Variants in ERC2 observed in about 807,000 individuals in gnomAD.
The protein encoded by ERC2 is ELKS/RAB6-interacting/CAST family member 2.
Under a neutral mutation model 114.8 loss-of-function variants are expected in ERC2, and 42 were observed. The ratio of observed to expected loss-of-function variants is 0.37; its 90% CI spans 0.29 to 0.47. The LOEUF is 0.47. ERC2 is among the 20% of genes least tolerant of loss of function. ERC2 has a pLI of 0.99. For missense variants in ERC2, 939 were observed against 1,150.7 expected (o/e 0.82, Z 2.66); for synonymous variants, 454 against 425.5 (o/e 1.07, Z -0.82).
chr3:56,311,569 G>C (rs1335984106), intron 2 of ERC2, among the ~76,000 whole-genome samples: 1 of 151,702 alleles, frequency 6.6e-6, no homozygotes, highest in African/African-American at 2.4e-5. Context: ...AAAGTGATGG[G>C]ATTACAGGCT....
chr3:55,926,416 A>T (rs1203672357), intron 13 of ERC2, among the ~76,000 whole-genome samples: 1 of 12,356 alleles, frequency 8.1e-5, no homozygotes, highest in African/African-American at 1.2e-3. Context: ...TTTTGTTTTT[A>T]AAAAAAAAAA....
At chr3:55,991,555 A>T (rs1417107939) in intron 11 of ERC2, among the ~76,000 whole-genome samples, 1 of 152,192 alleles carries the variant, frequency 6.6e-6, no homozygotes, top group Non-Finnish European at 1.5e-5. Flanking sequence ...TAAGAGATAA[A>T]CCTCCAGGAT....
chr3:56,140,602 T>A lies in ERC2; in HGVS notation c.1306-926A>T, dbSNP rs562444444. Among the ~76,000 whole-genome samples the A allele has an allele frequency of 4.6e-5, 7 of 152,280 alleles. No individual in the cohort carries two copies. The East Asian group carries it at 1.3e-3, about 29-fold the overall frequency. On this transcript the variant is annotated intron_variant, in intron 5 of 17. Coordinates refer to ENST00000288221, the MANE Select transcript of ERC2 (RefSeq NM_015576.3). ...ATAGAAATTCGGTTCTGTTCTTAGGTTTTTTGCTACTATAAAAAATGCTAT... is the reference window on the plus strand; with the variant it reads ...ATAGAAATTCGGTTCTGTTCTTAGGATTTTTGCTACTATAAAAAATGCTAT...
intron 13 of ERC2, among the ~76,000 whole-genome samples, chr3:55,930,986 C>G (rs1437004618): frequency 6.6e-6 from 1 of 152,096 alleles, no homozygotes; most frequent in Non-Finnish European, 1.5e-5. Flanking sequence ...ATGCGGCCAA[C>G]AAGAATATTA....
At chr3:55,703,557 C>T (rs1013934774) in intron 15 of ERC2, among the ~76,000 whole-genome samples, 1 of 152,190 alleles carries the variant, frequency 6.6e-6, no homozygotes, top group Non-Finnish European at 1.5e-5. Flanking sequence ...GTTCACTTGG[C>T]TTTCTCCACC....
chr3:55,629,728 C>G, intron 17 of ERC2, among the ~76,000 whole-genome samples: 1 of 152,306 alleles, frequency 6.6e-6, no homozygotes, highest in Admixed American at 6.5e-5. Context: ...TGAAGACAGG[C>G]AAACATGTTA....
At chr3:55,554,904 C>T (rs1413795152) in intron 17 of ERC2, among the ~76,000 whole-genome samples, 2 of 152,164 alleles carry the variant, frequency 1.3e-5, no homozygotes, top group East Asian at 3.9e-4. Flanking sequence ...TTTCAGCTTA[C>T]CCCAGCCTCT....
At chr3:56,204,476 C>CTTTTATTTTATTTTATTTTATTTTA (rs11267334) in intron 3 of ERC2, among the ~76,000 whole-genome samples, 6,761 of 132,878 alleles carry the variant, frequency 0.051, 309 homozygotes, top group East Asian at 0.064. Flanking sequence ...TAATTAGATG[C>CTTTTATTTTATTTTATTTTATTTTA]TTTTATTTTA....
At chr3:56,010,421 T>C (rs753506388) in intron 9 of ERC2, 28 bp downstream of exon 9, 5 of 1,609,426 alleles carry the variant, frequency 3.1e-6, no homozygotes, top group Non-Finnish European at 2.5e-6. Flanking sequence ...GGACTATCAA[T>C]GTGGTTCATT....
chr3:55,932,814 C>T (rs960528372), intron 13 of ERC2, among the ~76,000 whole-genome samples: 5 of 152,080 alleles, frequency 3.3e-5, no homozygotes, highest in African/African-American at 1.2e-4. Context: ...ATGAGGCAAA[C>T]TATCTTGAGA....
intron 17 of ERC2, among the ~76,000 whole-genome samples, chr3:55,617,577 C>A (rs980545478): frequency 2.6e-5 from 4 of 152,164 alleles, no homozygotes; most frequent in African/African-American, 9.7e-5. Context: ...CCAGGAAAGA[C>A]CTGCAGGCCT....
At chr3:55,675,112 C>T (rs536630172) in intron 17 of ERC2, among the ~76,000 whole-genome samples, 6 of 152,300 alleles carry the variant, frequency 3.9e-5, no homozygotes, top group African/African-American at 9.6e-5. Flanking sequence ...ATTGAACACA[C>T]GAGCACCTTA....
chr3:55,714,090 A>G (rs2063939960), intron 15 of ERC2, among the ~76,000 whole-genome samples: 1 of 152,244 alleles, frequency 6.6e-6, no homozygotes, highest in Non-Finnish European at 1.5e-5. Flanking sequence ...TATTGAACCT[A>G]TAGAACTTAA....
At chr3:55,733,542 T>TCTCACACACACACACA (rs377515133) in intron 15 of ERC2, among the ~76,000 whole-genome samples, 1 of 107,886 alleles carries the variant, frequency 9.3e-6, no homozygotes, top group Non-Finnish European at 1.9e-5. Flanking sequence ...TCTCTCTCTC[T>TCTCACACACACACACA]CACACACACA....
chr3:55,841,331 C>T (rs761342021), intron 14 of ERC2, among the ~76,000 whole-genome samples: 1 of 151,952 alleles, frequency 6.6e-6, no homozygotes, highest in African/African-American at 2.4e-5. Context: ...ATAAGTCTCA[C>T]GAGATCTGAT....
chr3:55,926,708 A>G (rs186978314), intron 13 of ERC2, among the ~76,000 whole-genome samples: 59 of 152,220 alleles, frequency 3.9e-4, no homozygotes, highest in African/African-American at 1.4e-3. Context: ...CTCGAGCATC[A>G]TGGCCTCTTC....
Position 56,291,468 on chromosome 3 carries a change from A to C in ERC2, c.1074+4551T>G, listed in dbSNP as rs142927595. 8.2e-3 allele frequency among the ~76,000 whole-genome samples: 1,254 copies of C among 152,310 alleles called. 15 individuals are homozygous for C. The highest frequency in any genetic ancestry group is 0.028 in the African/African-American group (1,181 of 41,556). On this transcript the variant is annotated intron_variant, in intron 3 of 17. Transcript: ENST00000288221. ...TTTTCCAGACCACCAAAAGACAATAAGACACTAAAGCAACCCACCCCATAT... is the reference window on the plus strand; with the variant it reads ...TTTTCCAGACCACCAAAAGACAATACGACACTAAAGCAACCCACCCCATAT...
At chr3:56,021,761 C>T (rs977294418) in intron 7 of ERC2, among the ~76,000 whole-genome samples, 1 of 152,096 alleles carries the variant, frequency 6.6e-6, no homozygotes, top group Non-Finnish European at 1.5e-5. Flanking sequence ...GTCTGTTGTT[C>T]CTTCTTTGTG....
chr3:56,061,881 G>T (rs1394056396), intron 7 of ERC2, among the ~76,000 whole-genome samples: 3 of 152,132 alleles, frequency 2.0e-5, no homozygotes, highest in South Asian at 4.1e-4. Context: ...TAAAATGGAG[G>T]ATTAAAATAA....
Sources: allele counts gnomAD v4.1 joint callset (sites outside exome capture counted in the v4.1 genomes callset), GRCh38; gene constraint gnomAD v4.1.1; transcripts MANE v1.5; gene names NCBI Gene and HGNC (gene_info 2026-07-23, HGNC 2026-07-21).